The following CCDC171 variants were observed in gnomAD, a reference collection of about 807,000 sequenced individuals.
CCDC171 encodes the protein coiled-coil domain containing 171.
CCDC171 carries 177 observed loss-of-function variants against 168.2 expected under a neutral mutation model. The observed-to-expected ratio is 1.05, with a 90% CI of 0.93 to 1.19. CCDC171 has a LOEUF of 1.19. Among genes scored for constraint, CCDC171 ranks in the 50% most tolerant of loss-of-function variants. The probability of loss-of-function intolerance (pLI) is 0.00; values close to 1 mark genes in which losing one functional copy is unlikely to be tolerated. For missense variants in CCDC171, 1,991 were observed against 1,539.0 expected (o/e 1.29, Z -4.91); for synonymous variants, 687 against 540.8 (o/e 1.27, Z -3.75).
chr9:15,979,996 A>C (rs1000892563), intron 3 of CCDC171, among the ~76,000 whole-genome samples: 9 of 152,052 alleles, frequency 5.9e-5, no homozygotes, highest in South Asian at 4.1e-4. Flanking sequence ...TTACCATGTT[A>C]ACAGTTTTTG....
At chr9:15,663,254 G>C (rs2048459588) in intron 8 of CCDC171, among the ~76,000 whole-genome samples, 1 of 151,890 alleles carries the variant, frequency 6.6e-6, no homozygotes, top group Admixed American at 6.6e-5. Flanking sequence ...AAGTTTTATG[G>C]TTCTAAAGCC....
chr9:16,052,026 C>A (rs1195010592), intron 1 of CCDC171, among the ~76,000 whole-genome samples: 1 of 152,142 alleles, frequency 6.6e-6, no homozygotes, highest in African/African-American at 2.4e-5. Context: ...GAAAAACCTG[C>A]CCCCATGATT....
intron 23 of CCDC171, among the ~76,000 whole-genome samples, chr9:15,864,404 C>T (rs2061683926): frequency 1.3e-5 from 2 of 151,996 alleles, no homozygotes; most frequent in African/African-American, 4.8e-5. Context: ...TGGTGTGTTG[C>T]ACCCATTAAC....
chr9:15,552,973 G>C (rs1160092307), upstream of CCDC171: 1 of 152,542 alleles, frequency 6.6e-6, no homozygotes, highest in East Asian at 1.9e-4. Flanking sequence ...ACGTATCCAG[G>C]AGCTGCAAGC....
intron 9 of CCDC171, among the ~76,000 whole-genome samples, chr9:15,666,675 A>G (rs1587840313): frequency 6.6e-6 from 1 of 152,178 alleles, no homozygotes; most frequent in African/African-American, 2.4e-5. Flanking sequence ...AAATAAAAAA[A>G]TTAGCCAAGT....
intron 7 of CCDC171, among the ~76,000 whole-genome samples, chr9:15,652,449 CTT>C (rs796300179): frequency 1.9e-4 from 27 of 142,270 alleles, no homozygotes; most frequent in Admixed American, 3.5e-4. Flanking sequence ...ATTATTGTAG[CTT>C]TTTTTTTTTT....
At chr9:15,890,054 C>T (rs184166051) in intron 24 of CCDC171, among the ~76,000 whole-genome samples, 5 of 152,254 alleles carry the variant, frequency 3.3e-5, no homozygotes, top group Non-Finnish European at 7.4e-5. Context: ...AAATGGCCAG[C>T]TCTGTTGATC....
rs553033652 is a variant in CCDC171, at chr9:15,829,851, T to A, written c.3268-16851T>A. ...GGGAGGATCACCTGAGTCCAGTAGA[T>A]TGAGGCTGCAGTGAACCATGATTGT... is the stretch of plus-strand genomic sequence containing the variant. On this transcript the variant is annotated intron_variant, in intron 21 of 25. Transcript: ENST00000380701. 9.8e-4 allele frequency among the ~76,000 whole-genome samples: 149 copies of A among 152,222 alleles called. No individual in the cohort carries two copies. The South Asian group carries it at 0.012, about 12-fold the overall frequency.
chr9:15,733,597 ATC>A, intron 16 of CCDC171, among the ~76,000 whole-genome samples: 1 of 150,650 alleles, frequency 6.6e-6, no homozygotes, highest in Non-Finnish European at 1.5e-5. Flanking sequence ...GTGTCAATCT[ATC>A]TCTAGACTTT....
At chr9:15,681,532 A>T (rs946745009) in intron 10 of CCDC171, among the ~76,000 whole-genome samples, 3 of 152,108 alleles carry the variant, frequency 2.0e-5, no homozygotes, top group Non-Finnish European at 2.9e-5. Flanking sequence ...ATAATATGAA[A>T]TTTAAGACCT....
At chr9:15,581,117 A>G (rs1034381694) in intron 4 of CCDC171, among the ~76,000 whole-genome samples, 7 of 152,206 alleles carry the variant, frequency 4.6e-5, no homozygotes, top group African/African-American at 1.4e-4. Flanking sequence ...AAAAATTGCA[A>G]GCATTCCTAT....
At chr9:15,808,367 A>G (rs1181913101) in intron 21 of CCDC171, among the ~76,000 whole-genome samples, 1 of 152,196 alleles carries the variant, frequency 6.6e-6, no homozygotes, top group Admixed American at 6.5e-5. Context: ...ATGAGTTTGC[A>G]TTGTTTTTCA....
chr9:15,859,672 T>G (rs1185392732), intron 23 of CCDC171, among the ~76,000 whole-genome samples: 8 of 148,186 alleles, frequency 5.4e-5, no homozygotes, highest in Admixed American at 5.4e-4. Flanking sequence ...GTTTTGTTTT[T>G]TTGAGACAGT....
At chr9:15,663,861 C>T (rs964771075) in intron 8 of CCDC171, among the ~76,000 whole-genome samples, 4 of 152,136 alleles carry the variant, frequency 2.6e-5, no homozygotes, top group Admixed American at 2.0e-4. Context: ...CTGCCTCGGC[C>T]TCCCAAAGTG....
At chr9:15,844,470 C>T (rs2060813567) in intron 21 of CCDC171, among the ~76,000 whole-genome samples, 1 of 152,026 alleles carries the variant, frequency 6.6e-6, no homozygotes, top group Admixed American at 6.6e-5. Flanking sequence ...GTTTTACACA[C>T]ATCCCCATCA....
intron 16 of CCDC171, 70 bp downstream of exon 16, chr9:15,729,868 T>C (rs2054047667): frequency 1.7e-6 from 2 of 1,189,062 alleles, no homozygotes; most frequent in Non-Finnish European, 2.4e-6. Context: ...TTTTTTTTTT[T>C]CAGTAGCAGT....
intron 21 of CCDC171, among the ~76,000 whole-genome samples, chr9:15,825,801 A>AT (rs2059987572): frequency 6.6e-6 from 1 of 152,182 alleles, no homozygotes; most frequent in African/African-American, 2.4e-5. Flanking sequence ...CAAATGATTT[A>AT]TTTCAAGTGA....
In CCDC171 at chr9:15,850,057, C is replaced by T. The variant is rs76620294; in HGVS notation, c.3468+1110C>T. ...AGTCAGTATAGTTTAAATATAGTCA[C>T]ATTAAAGTCATATGTGCCACAAATC... On this transcript the variant is annotated intron_variant, in intron 23 of 25. Coordinates refer to ENST00000380701, the MANE Select transcript of CCDC171 (RefSeq NM_173550.4). Among the ~76,000 whole-genome samples the T allele has an allele frequency of 7.8e-3, 1,179 of 151,954 alleles. 12 individuals are homozygous for T. The highest frequency in any genetic ancestry group is 0.027 in the African/African-American group (1,122 of 41,502).
At chr9:15,663,318 C>T (rs1289420700) in intron 8 of CCDC171, among the ~76,000 whole-genome samples, 2 of 152,054 alleles carry the variant, frequency 1.3e-5, no homozygotes, top group African/African-American at 4.8e-5. Context: ...CGTCTTTAAA[C>T]TATTTTCTAA....
Sources: gnomAD v4.1 joint callset for allele counts (sites outside exome capture counted in the v4.1 genomes callset) on GRCh38, gnomAD v4.1.1 for gene constraint, MANE v1.5 for transcripts, NCBI Gene and HGNC (gene_info 2026-07-23, HGNC 2026-07-21) for gene names.